The following CPZ variants were observed in gnomAD, a reference collection of about 807,000 sequenced individuals.
The protein encoded by CPZ is VEZT/CPZ fusion.
A neutral mutation model predicts 61.8 loss-of-function variants in CPZ; 103 were observed. The observed-to-expected ratio is 1.67, with a 90% CI of 1.42 to 1.96. The LOEUF (loss-of-function observed/expected upper bound fraction) is 1.96, where lower values mean the gene tolerates loss of function less well. Ranked by LOEUF, CPZ falls within the 30% of genes most tolerant of loss-of-function variation. The pLI, the probability that CPZ is intolerant of heterozygous loss-of-function variation, is 0.00. For missense variants in CPZ, 1,461 were observed against 914.9 expected (o/e 1.60, Z -7.70); for synonymous variants, 551 against 373.7 (o/e 1.47, Z -5.47).
chr4:8,611,929 C>A, intron 7 of CPZ, 98 bp from the exon 8 acceptor site: 3 of 1,534,512 alleles, frequency 2.0e-6, no homozygotes, highest in Non-Finnish European at 1.8e-6. Context: ...ATCTGCAATG[C>A]AGGTGTTTGC....
At position 8,619,625 on chromosome 4, in the gene CPZ, C is replaced by G. The variant is rs778353497; in HGVS notation, c.*8C>G. Reference sequence around the variant, plus strand: ...TGGCTGCTCAAGTACTAGCCCCGGCCCCAGCACCCGCCAGGATGTGGAGAC... The same window carrying G: ...TGGCTGCTCAAGTACTAGCCCCGGCGCCAGCACCCGCCAGGATGTGGAGAC... On this transcript the variant is annotated 3_prime_UTR_variant, in exon 11 of 11. Coordinates refer to ENST00000360986, the MANE Select transcript of CPZ (RefSeq NM_001014447.3). 6 of 1,479,566 alleles carry G rather than the reference C, an allele frequency of 4.1e-6. No homozygotes were observed. Among genetic ancestry groups the G allele is most frequent in the African/African-American group, 2.8e-5 (2 of 70,394 alleles). 91.7% of individuals were successfully genotyped at this position (1,479,566 alleles called of 1,614,324 possible). A position where few individuals can be genotyped will look rare whatever the true frequency, so the allele number is the denominator to read the frequency against.
chr4:8,601,356 C>A lies in CPZ; in HGVS notation c.355C>A (p.Arg119=). Residue 119 remains arginine (R), a synonymous_variant, in exon 3 of 11, where the codon CGG becomes AGG. Coordinates refer to ENST00000360986, the MANE Select transcript of CPZ (RefSeq NM_001014447.3). ...CEGGWVRRPC[R]HICEGLREVC... ...GGGCGGCTGGGTGCGCAGACCCTGC[C>A]GGCACATCTGCGAGGGCCTGCGGGA... 5 of 1,603,636 alleles carry A rather than the reference C, an allele frequency of 3.1e-6. No homozygotes were observed. The highest frequency in any genetic ancestry group is 3.4e-6 in the Non-Finnish European group (4 of 1,172,968).
At chr4:8,606,941 C>T (rs1327654864) in intron 6 of CPZ, 43 bp downstream of exon 6, 8 of 1,546,032 alleles carry the variant, frequency 5.2e-6, no homozygotes, top group Admixed American at 2.0e-5. Flanking sequence ...CCAAGGCATC[C>T]AGGGGTCCCT....
At chr4:8,596,841 G>A (rs1714217397) in intron 1 of CPZ, among the ~76,000 whole-genome samples, 1 of 152,210 alleles carries the variant, frequency 6.6e-6, no homozygotes, top group African/African-American at 2.4e-5. Flanking sequence ...GGAGGAGCAG[G>A]TGCAGGGATG....
At chr4:8,602,950 C>T (rs958010136) in intron 3 of CPZ, 1 of 152,330 alleles carries the variant, frequency 6.6e-6, no homozygotes, top group Non-Finnish European at 1.5e-5. Flanking sequence ...GTCTGCAGAG[C>T]TCAGTCCCTG....
At chr4:8,610,504 G>A (rs955104632) in intron 7 of CPZ, among the ~76,000 whole-genome samples, 1 of 152,110 alleles carries the variant, frequency 6.6e-6, no homozygotes, top group Non-Finnish European at 1.5e-5. Context: ...GTTGGGTCAG[G>A]AGCAGACTTT....
At position 8,601,216 on chromosome 4, in the gene CPZ, TG is replaced by T; in HGVS notation, c.217del (p.Val73TrpfsTer10). On this transcript the variant is annotated frameshift_variant, in exon 3 of 11. Coordinates refer to ENST00000360986, the MANE Select transcript of CPZ (RefSeq NM_001014447.3). LOFTEE classifies it high-confidence loss of function. ...CTGCTTCAGCACCGGTCGTGGGAGG[TG>T]GTGGAGGCCAGCTCCGAGTACATCC... ...PNLLQHRSWE[V>X]VEASSEYILL... 1 of 1,613,158 alleles carries T rather than the reference TG, an allele frequency of 6.2e-7. No homozygotes were observed.
Position 8,606,605 on chromosome 4 carries a change from C to G in CPZ, c.907-132C>G, listed in dbSNP as rs374936459. 456 of 1,167,114 alleles carry G rather than the reference C, an allele frequency of 3.9e-4. 3 individuals are homozygous for G. In the East Asian group the frequency reaches 8.3e-3, roughly 21 times the overall value. The allele number at this position is 1,167,114 out of a possible 1,614,324, so 72.3% of individuals were successfully genotyped here. A position where few individuals can be genotyped will look rare whatever the true frequency, so the allele number is the denominator to read the frequency against. On this transcript the variant is annotated intron_variant, in intron 5 of 10. Coordinates refer to ENST00000360986, the MANE Select transcript of CPZ (RefSeq NM_001014447.3). ...GGAGGCCAAGGGTCAGGCATGCCCC[C>G]GAGCTCATCACATAAAGCCGGGGGA...
chr4:8,614,052 G>A (rs920113508), intron 8 of CPZ, among the ~76,000 whole-genome samples: 2 of 152,272 alleles, frequency 1.3e-5, no homozygotes, highest in African/African-American at 2.4e-5. Context: ...TCAAGATGCA[G>A]CTCTGCCTCT....
intron 4 of CPZ, among the ~76,000 whole-genome samples, chr4:8,604,663 G>T (rs931605374): frequency 6.6e-6 from 1 of 152,122 alleles, no homozygotes; most frequent in East Asian, 1.9e-4. Flanking sequence ...TGTATTTTTA[G>T]TAGAGACAGG....
At chr4:8,597,139 G>C (rs978301607) in intron 1 of CPZ, among the ~76,000 whole-genome samples, 1 of 152,142 alleles carries the variant, frequency 6.6e-6, no homozygotes, top group Non-Finnish European at 1.5e-5. Context: ...ATGAGACCAC[G>C]GGTCAGCTGA....
At chr4:8,605,562 T>TCC in intron 4 of CPZ, among the ~76,000 whole-genome samples, 1 of 133,722 alleles carries the variant, frequency 7.5e-6, no homozygotes. Flanking sequence ...CCATCATTGA[T>TCC]ATATCTATCC....
At chr4:8,616,512 C>T (rs4696865) in intron 9 of CPZ, among the ~76,000 whole-genome samples, 38,872 of 152,108 alleles carry the variant, frequency 0.26, 5,477 homozygotes, top group Non-Finnish European at 0.31. Context: ...AGACTGGGGC[C>T]GTGGGGCCCT....
At chr4:8,608,547 T>G (rs1715248163) in intron 7 of CPZ, among the ~76,000 whole-genome samples, 1 of 151,738 alleles carries the variant, frequency 6.6e-6, no homozygotes, top group Non-Finnish European at 1.5e-5. Context: ...ACGGGACTGG[T>G]CCCTGCGCTG....
At chr4:8,612,194 GGGTGGGGGGTGCAGGGGCTGGGT>G in intron 8 of CPZ, 32 bp downstream of exon 8, 6 of 371,806 alleles carry the variant, frequency 1.6e-5, no homozygotes, top group South Asian at 4.7e-5. Context: ...ACTGGGCGGG[GGGTGGGGGGTGCAGGGGCTGGGT>G]GGGGCAGGGG....
At chr4:8,613,472 G>T (rs1474370989) in intron 8 of CPZ, among the ~76,000 whole-genome samples, 1 of 152,198 alleles carries the variant, frequency 6.6e-6, no homozygotes, top group Admixed American at 6.5e-5. Flanking sequence ...AAAGCATGAA[G>T]CCGGGGACCA....
intron 7 of CPZ, among the ~76,000 whole-genome samples, chr4:8,609,137 T>C (rs115208693): frequency 0.13 from 3,671 of 29,140 alleles, 68 homozygotes; most frequent in Middle Eastern, 0.16. Context: ...TTCACTCATT[T>C]ACTCATTCAC....
intron 10 of CPZ, 78 bp from the exon 11 acceptor site, chr4:8,619,184 A>AC: frequency 7.8e-7 from 1 of 1,284,504 alleles, no homozygotes; most frequent in East Asian, 2.6e-5. Flanking sequence ...ACCTCTCCCC[A>AC]CTCATATCCA....
intron 1 of CPZ, among the ~76,000 whole-genome samples, chr4:8,594,014 C>G (rs531792387): frequency 6.6e-6 from 1 of 152,144 alleles, no homozygotes; most frequent in Non-Finnish European, 1.5e-5. Context: ...ACCACAGCCC[C>G]CTCCTCCAGG....
Sources: gnomAD v4.1 joint callset for allele counts (sites outside exome capture counted in the v4.1 genomes callset) on GRCh38, gnomAD v4.1.1 for gene constraint, MANE v1.5 for transcripts, NCBI Gene and HGNC (gene_info 2026-07-23, HGNC 2026-07-21) for gene names.